The following FAM181A variants were observed in gnomAD, a reference collection of about 807,000 sequenced individuals.
FAM181A encodes the protein protein FAM181A.
FAM181A carries 7 observed loss-of-function variants against 16.3 expected under a neutral mutation model. That is an observed-to-expected ratio of 0.43 (90% CI 0.24 to 0.81). The LOEUF (loss-of-function observed/expected upper bound fraction) is 0.81, where lower values mean the gene tolerates loss of function less well. Among genes scored for constraint, FAM181A ranks in the 30% least tolerant of loss-of-function variants. FAM181A has a pLI of 0.24. For missense variants in FAM181A, 349 were observed against 377.5 expected, an observed-to-expected ratio of 0.92 and a Z score of 0.63; for synonymous variants, 183 against 164.9, an observed-to-expected ratio of 1.11 and a Z score of -0.84.
chr14:93,928,614 C>G lies in FAM181A; in HGVS notation c.329C>G (p.Ala110Gly). ...AACCCCTACAGGGAGGAATGTCTTG[C>G]TAAGGAGCAGCTCCCACAGAGGCAG... is the stretch of plus-strand genomic sequence containing the variant. ...LRNPYREECL[A>G]KEQLPQRQHP... The change falls in exon 2 of 2, where the codon GCT becomes GGT. Residue 110 changes from alanine (A) to glycine (G), a missense_variant. Ala to Gly is a moderately conservative substitution (Grantham distance 60). Coordinates refer to ENST00000556222, the MANE Select transcript of FAM181A (RefSeq NM_001207073.2). 1 of 1,613,956 alleles carries G rather than the reference C, an allele frequency of 6.2e-7. No individual in the cohort carries two copies. The highest frequency in any genetic ancestry group is 8.5e-7 in the Non-Finnish European group (1 of 1,179,980).
At position 93,929,101 on chromosome 14, in the gene FAM181A, G is replaced by A. The variant is rs773823310; in HGVS notation, c.816G>A (p.Leu272=). The A allele has an allele frequency of 2.6e-6, 4 of 1,537,334 alleles. No homozygotes were observed. The highest frequency in any genetic ancestry group is 4.0e-5 in the Admixed American group (2 of 49,438). The change falls in exon 2 of 2, where the codon CTG becomes CTA. Residue 272 remains leucine (L), a synonymous_variant. Transcript: ENST00000556222. ...AGAAGGTGTGCAGGCCCGTGGTGCT[G>A]AAACCCATCCCCACCAAGCCAGCCG... ...LGQKVCRPVV[L]KPIPTKPAVP... is the part of the protein sequence containing the mutation.
chr14:93,921,137 G>A (rs1235577644), intron 1 of FAM181A, among the ~76,000 whole-genome samples: 1 of 152,206 alleles, frequency 6.6e-6, no homozygotes, highest in East Asian at 1.9e-4. Context: ...CATTGATGAT[G>A]TAATTCAACC....
rs556211566 is a variant in FAM181A at position 93,928,995 on chromosome 14, C to A, written c.710C>A (p.Pro237His). The change falls in exon 2 of 2, where the codon CCC becomes CAC. Residue 237 changes from proline (P) to histidine (H), a missense_variant. Pro to His is a moderately conservative substitution (Grantham distance 77). Coordinates refer to ENST00000556222, the MANE Select transcript of FAM181A (RefSeq NM_001207073.2). ...GGGGCACTGCCTCAGAGTCCTGTCCCCAGCCTGGGCCTTTGGAGGAAGAGC... is the reference window on the plus strand; with the variant it reads ...GGGGCACTGCCTCAGAGTCCTGTCCACAGCCTGGGCCTTTGGAGGAAGAGC... ...PLGALPQSPV[P>H]SLGLWRKSPA... 1.6e-5 allele frequency: 25 copies of A among 1,610,822 alleles called. No individual in the cohort carries two copies. Among genetic ancestry groups the A allele is most frequent in the Non-Finnish European group, 2.0e-5 (24 of 1,178,006 alleles).
rs145841226 is a variant in FAM181A, at chr14:93,929,487, C to T, written c.*323C>T. On this transcript the variant is annotated 3_prime_UTR_variant, in exon 2 of 2. Coordinates refer to ENST00000556222, the MANE Select transcript of FAM181A (RefSeq NM_001207073.2). ...GCAGTCACCCCAGAAGCCAGAGAGA[C>T]GCATCTGTTTACCTGCCACCCACTC... 3.6e-3 allele frequency: 1,262 copies of T among 352,726 alleles called. 6 individuals carry two copies. The highest frequency in any genetic ancestry group is 5.0e-3 in the Non-Finnish European group (977 of 196,192). 21.8% of individuals were successfully genotyped at this position (352,726 alleles called of 1,614,324 possible).
chr14:93,919,273 C>T (rs1295785846), intron 1 of FAM181A, among the ~76,000 whole-genome samples: 3 of 152,204 alleles, frequency 2.0e-5, no homozygotes, highest in Non-Finnish European at 2.9e-5. Flanking sequence ...CAGGGAACTG[C>T]CCTTAGCTAC....
upstream of FAM181A, chr14:93,927,062 C>CACACACACACACACACACA (rs1415891809): frequency 7.7e-3 from 259 of 33,670 alleles, 1 homozygote; most frequent in Non-Finnish European, 9.2e-3. Context: ...ACACACACAC[C>CACACACACACACACACACA]CCACCCCCTT....
chr14:93,925,075 A>G (rs1166031606), upstream of FAM181A: 1 of 552,756 alleles, frequency 1.8e-6, no homozygotes, highest in Non-Finnish European at 3.1e-6. Context: ...GCCCACATTA[A>G]GAGCTTTGGA....
At chr14:93,925,880 G>A (rs547428128), upstream of FAM181A, among the ~76,000 whole-genome samples, 38 of 151,876 alleles carry the variant, frequency 2.5e-4, 1 homozygote, top group South Asian at 5.6e-3. Flanking sequence ...TAGGGGAGAT[G>A]GCTTGGAGTC....
At position 93,929,280 on chromosome 14, in the gene FAM181A, G is replaced by A. The variant is rs1046059353; in HGVS notation, c.*116G>A. 1.3e-5 allele frequency: 18 copies of A among 1,345,674 alleles called. No individual in the cohort carries two copies. Among genetic ancestry groups the A allele is most frequent in the African/African-American group, 2.9e-5 (2 of 68,816 alleles). 83.4% of individuals were successfully genotyped at this position (1,345,674 alleles called of 1,614,324 possible). On this transcript the variant is annotated 3_prime_UTR_variant, in exon 2 of 2. Coordinates refer to ENST00000556222, the MANE Select transcript of FAM181A (RefSeq NM_001207073.2). ...AGTGTGGCCTCTTCCGTTTGTGTGCGCATGGGAGTGGAGGGCAGGATTGGG... is the reference window on the plus strand; with the variant it reads ...AGTGTGGCCTCTTCCGTTTGTGTGCACATGGGAGTGGAGGGCAGGATTGGG...
intron 1 of FAM181A, among the ~76,000 whole-genome samples, chr14:93,919,640 G>C (rs1399594816): frequency 6.6e-6 from 1 of 152,142 alleles, no homozygotes; most frequent in African/African-American, 2.4e-5. Flanking sequence ...AAATGCTTTA[G>C]AACCACTTGG....
chr14:93,922,979 AT>A (rs149926732), upstream of FAM181A, among the ~76,000 whole-genome samples: 2,944 of 147,330 alleles, frequency 0.02, 53 homozygotes, highest in Middle Eastern at 0.042. Context: ...GAATCTCCAC[AT>A]TTTTTTTTTT....
At position 93,928,630 on chromosome 14, in the gene FAM181A, A is replaced by C; in HGVS notation, c.345A>C (p.Pro115=). Residue 115 remains proline (P), a synonymous_variant, in exon 2 of 2, where the codon CCA becomes CCC. Transcript: ENST00000556222. The part of the protein sequence containing the change: ...REECLAKEQL[P]QRQHPEAAQP... Reference sequence around the variant, plus strand: ...AATGTCTTGCTAAGGAGCAGCTCCCACAGAGGCAGCATCCAGAAGCTGCCC... The same window carrying C: ...AATGTCTTGCTAAGGAGCAGCTCCCCCAGAGGCAGCATCCAGAAGCTGCCC... 6.2e-7 allele frequency: 1 copy of C among 1,613,980 alleles called. No homozygotes were observed. Among genetic ancestry groups the C allele is most frequent in the Non-Finnish European group, 8.5e-7 (1 of 1,179,980 alleles).
chr14:93,923,806 G>C (rs373911001), upstream of FAM181A: 1 of 152,256 alleles, frequency 6.6e-6, no homozygotes. Flanking sequence ...GGTGCTGGGC[G>C]ATGCAGTCGG....
At chr14:93,922,830 C>G (rs1016791269), upstream of FAM181A, among the ~76,000 whole-genome samples, 1 of 152,198 alleles carries the variant, frequency 6.6e-6, no homozygotes, top group African/African-American at 2.4e-5. Flanking sequence ...TAATCCATAT[C>G]TCCTGATTTC....
chr14:93,929,314 C>T lies in FAM181A; in HGVS notation c.*150C>T. ...TGGAGGGCAGGATTGGGGCAGGGCT[C>T]CTCAGGCAGTGACCCTTCAGCCTTG... On this transcript the variant is annotated 3_prime_UTR_variant, in exon 2 of 2. Transcript: ENST00000556222. The T allele has an allele frequency of 9.1e-7, 1 of 1,100,420 alleles. No individual in the cohort carries two copies. Among genetic ancestry groups the T allele is most frequent in the Non-Finnish European group, 1.2e-6 (1 of 818,702 alleles). The allele number at this position is 1,100,420 out of a possible 1,614,324, so 68.2% of individuals were successfully genotyped here.
chr14:93,923,902 A>G (rs939433702), upstream of FAM181A: 1 of 152,250 alleles, frequency 6.6e-6, no homozygotes, highest in Non-Finnish European at 1.5e-5. Flanking sequence ...AACCACAAGC[A>G]TCCTTCACTC....
upstream of FAM181A, chr14:93,925,280 A>G: frequency 6.2e-7 from 1 of 1,613,596 alleles, no homozygotes; most frequent in Non-Finnish European, 8.5e-7. Context: ...TGATGCCCTT[A>G]GAAGAGAGAA....
chr14:93,927,648 G>T (rs1427705910), intron 1 of FAM181A, 194 bp downstream of exon 1: 2 of 1,282,804 alleles, frequency 1.6e-6, no homozygotes, highest in Non-Finnish European at 2.0e-6. Flanking sequence ...TTAAGTGCCA[G>T]ACAGGGGTCC....
upstream of FAM181A, among the ~76,000 whole-genome samples, chr14:93,925,804 C>T (rs1426382232): frequency 4.6e-5 from 7 of 152,006 alleles, no homozygotes; most frequent in African/African-American, 1.5e-4. Flanking sequence ...TGAGTCACAG[C>T]TTGTCAGCAC....
Sources: gnomAD v4.1 joint callset for allele counts (sites outside exome capture counted in the v4.1 genomes callset) on GRCh38, gnomAD v4.1.1 for gene constraint, MANE v1.5 for transcripts, NCBI Gene and HGNC (gene_info 2026-07-23, HGNC 2026-07-21) for gene names.